The following MCF2 variants were observed in gnomAD, a reference collection of about 807,000 sequenced individuals.
MCF2 encodes proto-oncogene DBL.
In MCF2, 44 loss-of-function variants were observed where a neutral mutation model predicts 82.5. That is an observed-to-expected ratio of 0.53 (90% CI 0.42 to 0.69). The LOEUF is 0.69. MCF2 is among the 30% of genes least tolerant of loss of function. The pLI is 0.00. For missense variants in MCF2, 623 were observed against 663.1 expected, an observed-to-expected ratio of 0.94 and a Z score of 0.66; for synonymous variants, 217 against 224.9, an observed-to-expected ratio of 0.96 and a Z score of 0.32.
chrX:139,652,798 T>G (rs1489717798), intron 1 of MCF2, among the ~76,000 whole-genome samples: 1 of 110,693 alleles, frequency 9.0e-6, no homozygotes, highest in Non-Finnish European at 1.9e-5. Flanking sequence ...GGTGTCAGGC[T>G]GATGATGCAT....
intron 1 of MCF2, among the ~76,000 whole-genome samples, chrX:139,667,539 A>G (rs776424442): frequency 2.7e-4 from 30 of 111,859 alleles, no homozygotes; most frequent in Non-Finnish European, 5.1e-4. Context: ...TCCAGCCCCT[A>G]GGAGGAATGT....
chrX:139,694,898 G>A (rs1164119398), intron 1 of MCF2, among the ~76,000 whole-genome samples: 1 of 109,549 alleles, frequency 9.1e-6, no homozygotes, highest in African/African-American at 3.3e-5. Flanking sequence ...GCCATTCCTT[G>A]TAGTGATGGA....
At chrX:139,643,222 C>T (rs1428522449), upstream of MCF2, among the ~76,000 whole-genome samples, 1 of 111,536 alleles carries the variant, frequency 9.0e-6, no homozygotes, top group Non-Finnish European at 1.9e-5. Context: ...TGAAATACAA[C>T]CTAAATGCTT....
chrX:139,588,213 A>G, intron 21 of MCF2, 147 bp downstream of exon 25: 1 of 436,934 alleles, frequency 2.3e-6, no homozygotes. Flanking sequence ...CTGAATCTCA[A>G]TCTCCTACTA....
chrX:139,617,791 G>A (rs912986251), intron 7 of MCF2, 87 bp from the exon 11 acceptor site: 39 of 535,754 alleles, frequency 7.3e-5, no homozygotes, highest in Non-Finnish European at 8.8e-5. Context: ...GAAGCAAAAT[G>A]TTTGAGCAAG....
chrX:139,610,311 CTCTGATTTTG>C lies in MCF2; in HGVS notation c.1381_1390del (p.Gln461AlafsTer3). On this transcript the variant is annotated frameshift_variant, in exon 11 of 25. Transcript: ENST00000370576. LOFTEE classifies it high-confidence loss of function. ...ATTAATGATATTTACTTTTAAGTTG[CTCTGATTTTG>C]TCTCCAAGTCTTCTTCCCTGGTAGA... 1 of 1,173,852 alleles carries C rather than the reference CTCTGATTTTG, an allele frequency of 8.5e-7. No individual in the cohort carries two copies. The highest frequency in any genetic ancestry group is 1.1e-6 in the Non-Finnish European group (1 of 869,815).
intron 1 of MCF2, among the ~76,000 whole-genome samples, chrX:139,639,004 A>G (rs1033045904): frequency 1.8e-5 from 2 of 111,956 alleles, no homozygotes; most frequent in African/African-American, 6.5e-5. Flanking sequence ...TAAAGCTAGT[A>G]TTTAAATGAA....
intron 2 of MCF2, among the ~76,000 whole-genome samples, chrX:139,648,948 T>C (rs915360891): frequency 1.1e-4 from 12 of 111,966 alleles, no homozygotes; most frequent in Non-Finnish European, 2.1e-4. Context: ...TTCACAATTT[T>C]AGTCAGATAT....
At chrX:139,643,145 C>T (rs1355971504), upstream of MCF2, among the ~76,000 whole-genome samples, 1 of 111,674 alleles carries the variant, frequency 9.0e-6, no homozygotes, top group East Asian at 2.8e-4. Context: ...AAGACGGATA[C>T]AATTCTCTCC....
At chrX:139,593,379 T>G (rs1381948409) in intron 19 of MCF2, among the ~76,000 whole-genome samples, 1 of 111,200 alleles carries the variant, frequency 9.0e-6, no homozygotes, top group Admixed American at 9.6e-5. Flanking sequence ...GGCTCTGAAA[T>G]TGGGGCAATA....
chrX:139,603,555 G>T (rs909582649), intron 15 of MCF2, among the ~76,000 whole-genome samples: 2 of 112,593 alleles, frequency 1.8e-5, no homozygotes, highest in Non-Finnish European at 3.7e-5. Context: ...GAACATCTTA[G>T]CCGGACACGG....
intron 9 of MCF2, among the ~76,000 whole-genome samples, chrX:139,615,872 G>A (rs1210887500): frequency 1.8e-5 from 2 of 111,350 alleles, no homozygotes; most frequent in Admixed American, 9.6e-5. Flanking sequence ...TTCTCAAACT[G>A]AGTAGGAAAG....
chrX:139,645,513 A>G (rs1933771958), upstream of MCF2: 4 of 734,063 alleles, frequency 5.4e-6, no homozygotes, highest in Non-Finnish European at 6.1e-6. Context: ...CCCAAAACAG[A>G]AAGTATAATA....
intron 1 of MCF2, among the ~76,000 whole-genome samples, chrX:139,698,833 T>A (rs1935430625): frequency 8.9e-6 from 1 of 112,230 alleles, no homozygotes; most frequent in African/African-American, 3.2e-5. Context: ...GTTTACCATC[T>A]TAATTTGATA....
At position 139,604,754 on chromosome X, in the gene MCF2, T is replaced by G; in HGVS notation, c.1674-4A>C. On this transcript the variant is annotated splice_polypyrimidine_tract_variant and splice_region_variant and intron_variant, in intron 14 of 24. Transcript: ENST00000370576. The stretch of plus-strand genomic sequence containing the variant: ...TTCCAGGCTGCTCAAGAAAATGCTG[T>G]GAAAATTTCAGAGAAAAAAAATTGC... The G allele has an allele frequency of 8.4e-7, 1 of 1,188,138 alleles. No individual in the cohort carries two copies. The highest frequency in any genetic ancestry group is 1.1e-6 in the Non-Finnish European group (1 of 881,000).
At chrX:139,633,576 G>T (rs1280726794) in intron 1 of MCF2, among the ~76,000 whole-genome samples, 1 of 110,955 alleles carries the variant, frequency 9.0e-6, no homozygotes, top group Admixed American at 9.6e-5. Context: ...AGTCAAGAGA[G>T]CTAGATGAAA....
intron 11 of MCF2, among the ~76,000 whole-genome samples, chrX:139,608,843 G>T (rs951795636): frequency 9.0e-6 from 1 of 111,646 alleles, no homozygotes; most frequent in Non-Finnish European, 1.9e-5. Flanking sequence ...TTTACAACAT[G>T]TAATACTACA....
intron 1 of MCF2, among the ~76,000 whole-genome samples, chrX:139,700,567 G>A (rs1362734210): frequency 5.4e-5 from 6 of 111,867 alleles, no homozygotes; most frequent in Non-Finnish European, 1.1e-4. Flanking sequence ...AGGGACCTTG[G>A]GGGTCCACTG....
intron 1 of MCF2, among the ~76,000 whole-genome samples, chrX:139,671,505 G>A (rs1934691463): frequency 9.0e-6 from 1 of 111,461 alleles, no homozygotes; most frequent in Non-Finnish European, 1.9e-5. Flanking sequence ...GTGTAAGGAA[G>A]GGATCCAGTT....
Sources: allele counts gnomAD v4.1 joint callset (sites outside exome capture counted in the v4.1 genomes callset), GRCh38; gene constraint gnomAD v4.1.1; transcripts MANE v1.5; gene names NCBI Gene and HGNC (gene_info 2026-07-23, HGNC 2026-07-21).